Variants in LINGO2 observed in about 807,000 individuals in gnomAD.
LINGO2 encodes the protein leucine rich repeat and Ig domain containing 2.
LINGO2 carries 14 observed loss-of-function variants against 30.6 expected under a neutral mutation model. The observed-to-expected ratio is 0.46, with a 90% CI of 0.30 to 0.72. LINGO2 has a LOEUF of 0.72. Ranked by LOEUF, LINGO2 falls within the 30% of genes least tolerant of loss-of-function variation. The pLI, the probability that LINGO2 is intolerant of heterozygous loss-of-function variation, is 0.07. For missense variants in LINGO2, 729 were observed against 751.7 expected, an observed-to-expected ratio of 0.97 and a Z score of 0.35; for synonymous variants, 317 against 288.5, an observed-to-expected ratio of 1.10 and a Z score of -1.00.
chr9:28,358,816 T>C (rs891940178), intron 3 of LINGO2, among the ~76,000 whole-genome samples: 18 of 152,162 alleles, frequency 1.2e-4, no homozygotes, highest in Non-Finnish European at 7.3e-5. Flanking sequence ...CCAGACTTCC[T>C]TCTTAGTAGA....
At chr9:28,383,254 TTGTGTGTGTGTG>T (rs3065590) in intron 2 of LINGO2, among the ~76,000 whole-genome samples, 2 of 73,638 alleles carry the variant, frequency 2.7e-5, no homozygotes, top group African/African-American at 6.9e-5. Context: ...TCACCATTCA[TTGTGTGTGTGTG>T]TGTGTGTGTG....
rs112664858 is a variant in LINGO2, at chr9:28,070,805, T to C, written c.-86-58400A>G. The stretch of plus-strand genomic sequence containing the variant: ...CAGGTTCGCTGTAACTTTGAACTCC[T>C]AGGCTCAAACAATCCTCCTGCAACA... On this transcript the variant is annotated intron_variant, in intron 4 of 5. Coordinates refer to ENST00000379992, the Ensembl canonical transcript of LINGO2. Among the ~76,000 whole-genome samples, 888 of 152,238 alleles carry C rather than the reference T, an allele frequency of 5.8e-3. 10 individuals carry two copies. The highest frequency in any genetic ancestry group is 0.02 in the African/African-American group (832 of 41,548).
intron 4 of LINGO2, among the ~76,000 whole-genome samples, chr9:28,110,718 T>C (rs1177047515): frequency 6.6e-6 from 1 of 152,082 alleles, no homozygotes; most frequent in African/African-American, 2.4e-5. Context: ...ATGGTGAGTA[T>C]TAAAAAGTCA....
At chr9:28,735,627 C>A in the LINGO2 span, among the ~76,000 whole-genome samples, 9 of 152,076 alleles carry the variant, frequency 5.9e-5, no homozygotes, top group East Asian at 1.7e-3. Flanking sequence ...TAATAGTAAA[C>A]ATTTTTATAT....
chr9:28,931,085 TGATTTA>T, the LINGO2 span, among the ~76,000 whole-genome samples: 1 of 152,218 alleles, frequency 6.6e-6, no homozygotes, highest in Non-Finnish European at 1.5e-5. Context: ...AGATATTTGC[TGATTTA>T]GATTAAACTT....
chr9:28,964,999 AT>A, the LINGO2 span, among the ~76,000 whole-genome samples: 1 of 151,906 alleles, frequency 6.6e-6, no homozygotes, highest in Admixed American at 6.6e-5. Flanking sequence ...AATTTTAAAA[AT>A]AGAAGATAAG....
At chr9:28,662,755 G>A (rs988996406) in intron 1 of LINGO2, among the ~76,000 whole-genome samples, 2 of 151,968 alleles carry the variant, frequency 1.3e-5, no homozygotes, top group Non-Finnish European at 2.9e-5. Context: ...AATAGTGCCC[G>A]GCACATGGCA....
At chr9:28,320,303 C>T (rs1346672691) in intron 3 of LINGO2, among the ~76,000 whole-genome samples, 1 of 152,136 alleles carries the variant, frequency 6.6e-6, no homozygotes, top group Non-Finnish European at 1.5e-5. Context: ...CAGTCCACTA[C>T]TCTTATCACT....
the LINGO2 span, among the ~76,000 whole-genome samples, chr9:29,153,155 C>T: frequency 6.6e-6 from 1 of 152,040 alleles, no homozygotes; most frequent in African/African-American, 2.4e-5. Flanking sequence ...TGTGCCTATT[C>T]AGATTCTTGA....
At chr9:28,035,893 A>ACAAAC (rs1823908825) in intron 4 of LINGO2, among the ~76,000 whole-genome samples, 1 of 149,198 alleles carries the variant, frequency 6.7e-6, no homozygotes, top group South Asian at 2.1e-4. Flanking sequence ...CACACACACA[A>ACAAAC]ACACACACAC....
the LINGO2 span, among the ~76,000 whole-genome samples, chr9:29,142,451 AAAG>A: frequency 2.0e-5 from 3 of 151,866 alleles, no homozygotes; most frequent in Non-Finnish European, 2.9e-5. Flanking sequence ...CCATATTTAA[AAAG>A]AAGAACCCTA....
chr9:28,630,118 G>A (rs1028580643), intron 1 of LINGO2, among the ~76,000 whole-genome samples: 12 of 151,980 alleles, frequency 7.9e-5, no homozygotes, highest in African/African-American at 2.7e-4. Context: ...GCTAGATGAC[G>A]AGTTAGTGGG....
intron 1 of LINGO2, among the ~76,000 whole-genome samples, chr9:28,513,578 G>C (rs1006822544): frequency 1.3e-5 from 2 of 152,200 alleles, no homozygotes; most frequent in Non-Finnish European, 2.9e-5. Context: ...CAATGAGATA[G>C]TTTGTTAGAA....
intron 2 of LINGO2, among the ~76,000 whole-genome samples, chr9:28,455,757 A>G (rs1303759415): frequency 6.6e-6 from 1 of 152,148 alleles, no homozygotes; most frequent in Admixed American, 6.6e-5. Context: ...TATGGCCTTC[A>G]TTAGACAGCC....
chr9:28,536,236 C>T (rs1160315827), intron 1 of LINGO2, among the ~76,000 whole-genome samples: 2 of 152,042 alleles, frequency 1.3e-5, no homozygotes, highest in Admixed American at 6.6e-5. Flanking sequence ...TCAAATTTTA[C>T]ATAATTCTTA....
intron 4 of LINGO2, among the ~76,000 whole-genome samples, chr9:28,230,284 G>A (rs1821311941): frequency 1.3e-5 from 2 of 151,768 alleles, no homozygotes. Flanking sequence ...AAAAATACAG[G>A]TAAACTCCAC....
the LINGO2 span, among the ~76,000 whole-genome samples, chr9:29,189,232 C>T: frequency 3.3e-5 from 5 of 150,486 alleles, no homozygotes; most frequent in Non-Finnish European, 5.9e-5. Flanking sequence ...GGCAGAGGAG[C>T]CCCTCACCTC....
At chr9:28,769,512 ATATATATTTTTTTTTTTT>A in the LINGO2 span, among the ~76,000 whole-genome samples, 1 of 2,250 alleles carries the variant, frequency 4.4e-4, no homozygotes, top group African/African-American at 1.3e-3. Flanking sequence ...ATATATATAT[ATATATATTTTTTTTTTTT>A]TTTTTTTTTT....
chr9:29,189,243 C>A, the LINGO2 span, among the ~76,000 whole-genome samples: 1 of 150,590 alleles, frequency 6.6e-6, no homozygotes, highest in Admixed American at 6.6e-5. Context: ...CCCTCACCTC[C>A]CGGACGGGGC....
Sources: allele counts gnomAD v4.1 joint callset (sites outside exome capture counted in the v4.1 genomes callset), GRCh38; gene constraint gnomAD v4.1.1; transcripts MANE v1.5; gene names NCBI Gene and HGNC (gene_info 2026-07-23, HGNC 2026-07-21).